Variants in CYFIP1 observed in about 807,000 individuals in gnomAD.
CYFIP1 encodes the protein cytoplasmic FMR1 interacting protein 1, also known as cytoplasmic FMR1-interacting protein 1.
Under a neutral mutation model 163.5 loss-of-function variants are expected in CYFIP1, and 58 were observed. That is an observed-to-expected ratio of 0.35 (90% confidence interval 0.29 to 0.44). CYFIP1 has a LOEUF of 0.44. Ranked by LOEUF, CYFIP1 falls within the 20% of genes least tolerant of loss-of-function variation. CYFIP1 has a pLI of 1.00. For missense variants in CYFIP1, 1,338 were observed against 1,653.8 expected, an observed-to-expected ratio of 0.81 and a Z score of 3.31; for synonymous variants, 663 against 660.7, an observed-to-expected ratio of 1.00 and a Z score of -0.05.
intron 3 of CYFIP1, among the ~76,000 whole-genome samples, chr15:22,945,497 C>G (rs2062028048): frequency 6.6e-6 from 1 of 152,186 alleles, no homozygotes; most frequent in African/African-American, 2.4e-5. Flanking sequence ...GCTTTCCACT[C>G]TTTAACATCG....
In CYFIP1 at chr15:22,932,311, G is replaced by C; in HGVS notation, c.1022C>G (p.Pro341Arg). Residue 341 changes from proline to arginine, a missense_variant, in exon 11 of 31, where the codon CCT becomes CGT. Pro to Arg is a moderately radical substitution (Grantham distance 103, BLOSUM62 -2). Coordinates refer to ENST00000617928, the MANE Select transcript of CYFIP1 (RefSeq NM_014608.6). ...RWTCTSSGSS[P>R]QYNICEQMIQ... ...CATCTGCTCGCAGATGTTGTACTGA[G>C]GGCTGCTGCCGGAGGATGTGCACGT... 1.2e-6 allele frequency: 2 copies of C among 1,610,774 alleles called. No homozygotes were observed. The highest frequency in any genetic ancestry group is 1.7e-6 in the Non-Finnish European group (2 of 1,178,634).
Position 22,929,674 on chromosome 15 carries a change from G to A in CYFIP1, c.1111-1646C>T, listed in dbSNP as rs966313161. Among the ~76,000 whole-genome samples, 41 of 135,562 alleles carry A rather than the reference G, an allele frequency of 3.0e-4. No homozygotes were observed. In the East Asian group the frequency reaches 5.3e-3, roughly 17 times the overall value. 88.9% of individuals were successfully genotyped at this position (135,562 alleles called of 152,430 possible). A position where few individuals can be genotyped will look rare whatever the true frequency, so the allele number is the denominator to read the frequency against. On this transcript the variant is annotated intron_variant, in intron 11 of 30. Coordinates refer to ENST00000617928, the MANE Select transcript of CYFIP1 (RefSeq NM_014608.6). ...AAAAAGGCCAGGCACGGTGGCTCAC[G>A]CCTGTAATCCCAGCACTTTGGGAGG...
At chr15:22,885,016 T>C (rs894791871) in intron 23 of CYFIP1, among the ~76,000 whole-genome samples, 1 of 151,920 alleles carries the variant, frequency 6.6e-6, no homozygotes, top group African/African-American at 2.4e-5. Flanking sequence ...GGGCAGGCCC[T>C]GGGCCCAGCC....
chr15:22,875,368 A>G lies in CYFIP1; in HGVS notation c.3043-97T>C. The G allele has an allele frequency of 2.0e-6, 2 of 994,736 alleles. 1 individual carries two copies. The highest frequency in any genetic ancestry group is 2.6e-5 in the South Asian group (2 of 77,044). The allele number at this position is 994,736 out of a possible 1,614,324, so 61.6% of individuals were successfully genotyped here. On this transcript the variant is annotated intron_variant, in intron 26 of 30. Transcript: ENST00000617928. ...AGAACTTCTTTGCCTTTTAGCATAAAATAAACTCTGTAAGTTTATTTTATC... is the reference window on the plus strand; with the variant it reads ...AGAACTTCTTTGCCTTTTAGCATAAGATAAACTCTGTAAGTTTATTTTATC...
chr15:22,909,109 A>G lies in CYFIP1; in HGVS notation c.2388+85T>C, dbSNP rs534172657. On this transcript the variant is annotated intron_variant, in intron 21 of 30. Coordinates refer to ENST00000617928, the MANE Select transcript of CYFIP1 (RefSeq NM_014608.6). The stretch of plus-strand genomic sequence containing the variant: ...AGAGGCTTGGTATAGGCCACGCCCG[A>G]TGAGTGCATCTCTTTTATCATCTAT... 3.3e-3 allele frequency: 4,614 copies of G among 1,408,770 alleles called. 35 individuals carry two copies. The highest frequency in any genetic ancestry group is 5.9e-3 in the Admixed American group (305 of 51,958). The allele number at this position is 1,408,770 out of a possible 1,614,324, so 87.3% of individuals were successfully genotyped here.
intron 1 of CYFIP1, among the ~76,000 whole-genome samples, chr15:22,964,349 T>TCACA (rs1206406734): frequency 0.018 from 700 of 39,416 alleles, 5 homozygotes; most frequent in African/African-American, 0.023. Flanking sequence ...CGCAACCTCA[T>TCACA]CACTCACACA....
At chr15:22,875,467 A>T in intron 26 of CYFIP1, 196 bp from the exon 27 acceptor site, 1 of 607,280 alleles carries the variant, frequency 1.6e-6, no homozygotes, top group Non-Finnish European at 3.0e-6. Flanking sequence ...CCAGCCATGC[A>T]TGCCTAGTAA....
chr15:22,913,843 T>C (rs1184560283), intron 17 of CYFIP1, among the ~76,000 whole-genome samples: 2 of 152,088 alleles, frequency 1.3e-5, no homozygotes, highest in African/African-American at 4.8e-5. Flanking sequence ...CCCACACAAA[T>C]GGCATGGCCA....
chr15:22,947,055 A>G lies in CYFIP1; in HGVS notation c.155T>C (p.Phe52Ser). 6.2e-7 allele frequency: 1 copy of G among 1,614,176 alleles called. No individual in the cohort carries two copies. The highest frequency in any genetic ancestry group is 8.5e-7 in the Non-Finnish European group (1 of 1,179,998). The change falls in exon 3 of 31, where the codon TTT (phenylalanine) becomes TCT (serine). Residue 52 changes from phenylalanine (F) to serine (S), a missense_variant. Physicochemically the swap from Phe to Ser is radical, Grantham distance 155. Around this residue, in one of 4 missense-constraint regions of CYFIP1, gnomAD observed 186 missense variants for 288.3 expected, o/e 0.65. Transcript: ENST00000617928. ...FNTNFEDRNA[F>S]VTGIARYIEQ... Reference sequence around the variant, plus strand: ...AATGTATCTTGCGATGCCAGTAACAAATGCATTTCTGTCTTCAAAGTTAGT... The same window carrying G: ...AATGTATCTTGCGATGCCAGTAACAGATGCATTTCTGTCTTCAAAGTTAGT...
chr15:22,916,793 C>T (rs764920228), intron 15 of CYFIP1, 163 bp from the exon 16 acceptor site: 9 of 1,579,906 alleles, frequency 5.7e-6, no homozygotes, highest in African/African-American at 4.1e-5. Flanking sequence ...TACGCGGCCA[C>T]GTTGCTGCTG....
chr15:22,977,668 T>TA (rs1205391392), intron 1 of CYFIP1, among the ~76,000 whole-genome samples: 1 of 151,662 alleles, frequency 6.6e-6, no homozygotes, highest in East Asian at 2.0e-4. Flanking sequence ...CTGTCTCTAC[T>TA]AAAAATACAA....
intron 23 of CYFIP1, among the ~76,000 whole-genome samples, chr15:22,885,029 G>A (rs1238361474): frequency 6.6e-6 from 1 of 152,166 alleles, no homozygotes; most frequent in East Asian, 1.9e-4. Flanking sequence ...GCCCAGCCAA[G>A]AAAACCATTT....
intron 22 of CYFIP1, among the ~76,000 whole-genome samples, chr15:22,900,370 C>T (rs2060356327): frequency 3.3e-5 from 5 of 151,828 alleles, no homozygotes; most frequent in Admixed American, 3.3e-4. Context: ...CTTCTGGACT[C>T]CAGAACCGTA....
At chr15:22,974,685 A>G (rs185730171) in intron 1 of CYFIP1, among the ~76,000 whole-genome samples, 107 of 152,244 alleles carry the variant, frequency 7.0e-4, no homozygotes, top group Admixed American at 2.6e-3. Flanking sequence ...AGCTGAGATC[A>G]CACCACTGCA....
chr15:22,977,032 T>C (rs1490394714), intron 1 of CYFIP1, among the ~76,000 whole-genome samples: 2 of 152,080 alleles, frequency 1.3e-5, no homozygotes, highest in Non-Finnish European at 2.9e-5. Flanking sequence ...AAACCCCATC[T>C]CTACTAAAAA....
At chr15:22,929,718 G>A (rs1011961075) in intron 11 of CYFIP1, among the ~76,000 whole-genome samples, 4 of 139,356 alleles carry the variant, frequency 2.9e-5, no homozygotes, top group Non-Finnish European at 6.2e-5. Context: ...GGCGGATCAC[G>A]AGGTCAGGAG....
In CYFIP1 at chr15:22,974,099, T is replaced by C. The variant is rs2063189091; in HGVS notation, c.-7+6188A>G. 1.3e-5 allele frequency among the ~76,000 whole-genome samples: 2 copies of C among 152,160 alleles called. 1 individual carries two copies. The highest frequency in any genetic ancestry group is 1.3e-4 in the Admixed American group (2 of 15,270). On this transcript the variant is annotated intron_variant, in intron 1 of 30. Coordinates refer to ENST00000617928, the MANE Select transcript of CYFIP1 (RefSeq NM_014608.6). ...TGGAGATGTAAATCAGTATAGCCAT[T>C]GTAGAAAACAGTGCCGGGGGTTCCT... is the stretch of plus-strand genomic sequence containing the variant.
At chr15:22,948,133 C>T (rs921992888) in intron 1 of CYFIP1, 43 of 272,828 alleles carry the variant, frequency 1.6e-4, no homozygotes, top group African/African-American at 9.0e-4. Flanking sequence ...CACAGTGGAA[C>T]GGGTAGTCAG....
rs202236334 is a variant in CYFIP1 at position 22,918,704 on chromosome 15, T to G, written c.1514A>C (p.Asn505Thr). The change falls in exon 14 of 31, where the codon AAC becomes ACC. Residue 505 changes from asparagine (N) to threonine (T), a missense_variant. Asn to Thr is a moderately conservative substitution (Grantham distance 65). Around this residue, in one of 4 missense-constraint regions of CYFIP1, gnomAD observed 824 missense variants for 995.7 expected, o/e 0.83. Transcript: ENST00000617928. ...PLRQAIKKKK[N>T]VIQSVLQAIR... ...GGGGAAGGCTGACCTCTGGATGACGTTCTTCTTCTTCTTGATGGCCTGCCG... is the reference window on the plus strand; with the variant it reads ...GGGGAAGGCTGACCTCTGGATGACGGTCTTCTTCTTCTTGATGGCCTGCCG... The G allele has an allele frequency of 5.6e-5, 88 of 1,584,604 alleles. 2 individuals are homozygous for G. The Middle Eastern group carries it at 1.5e-3, about 27-fold the overall frequency.
Sources: allele counts gnomAD v4.1 joint callset (sites outside exome capture counted in the v4.1 genomes callset), GRCh38; gene constraint gnomAD v4.1.1; regional missense constraint gnomAD v4.1.1; transcripts MANE v1.5; gene names NCBI Gene and HGNC (gene_info 2026-07-23, HGNC 2026-07-21).